EBF3: variants seen among roughly 807,000 people sequenced by gnomAD.
EBF3 encodes EBF transcription factor 3, also known as transcription factor COE3.
A neutral mutation model predicts 77.1 loss-of-function variants in EBF3; 18 were observed. The ratio of observed to expected loss-of-function variants is 0.23; its 90% confidence interval spans 0.16 to 0.35. The LOEUF (loss-of-function observed/expected upper bound fraction) is 0.35. Ranked by LOEUF, EBF3 falls within the 10% of genes least tolerant of loss-of-function variation. The probability of loss-of-function intolerance (pLI) is 1.00; values close to 1 mark genes in which losing one functional copy is unlikely to be tolerated. For missense variants in EBF3, 558 were observed against 860.0 expected, an observed-to-expected ratio of 0.65 and a Z score of 4.39; for synonymous variants, 350 against 343.5, an observed-to-expected ratio of 1.02 and a Z score of -0.21.
intron 6 of EBF3, among the ~76,000 whole-genome samples, chr10:129,939,497 G>T (rs1237481530): frequency 6.6e-6 from 1 of 152,226 alleles, no homozygotes; most frequent in East Asian, 1.9e-4. Flanking sequence ...CTCATTTAAA[G>T]ACTTGGGGTT....
At position 129,837,715 on chromosome 10, in the gene EBF3, C is replaced by G; in HGVS notation, c.*228G>C. 1.7e-6 allele frequency: 1 copy of G among 571,464 alleles called. No individual in the cohort carries two copies. The highest frequency in any genetic ancestry group is 3.1e-6 in the Non-Finnish European group (1 of 325,992). The allele number at this position is 571,464 out of a possible 1,614,324, so 35.4% of individuals were successfully genotyped here. ...TGTGAAAATATGAGAAAAGTTCAGTCAATAAAATGGAATTGTTCATGAAGA... is the reference window on the plus strand; with the variant it reads ...TGTGAAAATATGAGAAAAGTTCAGTGAATAAAATGGAATTGTTCATGAAGA... On this transcript the variant is annotated 3_prime_UTR_variant, in exon 17 of 17. Coordinates refer to ENST00000440978, the MANE Select transcript of EBF3 (RefSeq NM_001375380.1).
At chr10:129,898,532 C>A (rs1564869331) in intron 6 of EBF3, among the ~76,000 whole-genome samples, 1 of 152,208 alleles carries the variant, frequency 6.6e-6, no homozygotes, top group Non-Finnish European at 1.5e-5. Context: ...AAGGATGGCA[C>A]CATGGCTCAC....
chr10:129,882,415 C>T (rs901203045), intron 6 of EBF3, among the ~76,000 whole-genome samples: 26 of 152,260 alleles, frequency 1.7e-4, no homozygotes, highest in African/African-American at 5.3e-4. Flanking sequence ...TCAAGGAGTC[C>T]GTGGCATTAG....
rs1850019099 is a variant in EBF3, at chr10:129,841,092, G to C, written c.1373-60C>G. On this transcript the variant is annotated intron_variant, in intron 13 of 16. Transcript: ENST00000440978. This position sits in a 1 kb window ranked among gnomAD's most constrained non-coding sequence, Gnocchi z 4.6. ...TATTATCAGCGACAGACACTTGGGG[G>C]GGGTTCCCCGAGAATCTATATCATA... 2 of 1,584,790 alleles carry C rather than the reference G, an allele frequency of 1.3e-6. No homozygotes were observed. Among genetic ancestry groups the C allele is most frequent in the South Asian group, 2.3e-5 (2 of 86,450 alleles).
At chr10:129,962,658 A>G (rs1419626501) in intron 3 of EBF3, among the ~76,000 whole-genome samples, 1 of 152,010 alleles carries the variant, frequency 6.6e-6, no homozygotes, top group Non-Finnish European at 1.5e-5. Context: ...CCCCATCCTA[A>G]TAATTAACAT....
chr10:129,923,808 CAA>C (rs1856467948), intron 6 of EBF3, among the ~76,000 whole-genome samples: 1 of 152,102 alleles, frequency 6.6e-6, no homozygotes, highest in Non-Finnish European at 1.5e-5. Flanking sequence ...CATGAAAATT[CAA>C]AAGTTTTGTA....
At position 129,842,351 on chromosome 10, in the gene EBF3, C is replaced by T. The variant is rs916977381; in HGVS notation, c.1195-58G>A. The T allele has an allele frequency of 5.9e-6, 9 of 1,525,570 alleles. No homozygotes were observed. In the African/African-American group the frequency reaches 1.1e-4, roughly 19 times the overall value. The allele number at this position is 1,525,570 out of a possible 1,614,324, so 94.5% of individuals were successfully genotyped here. On this transcript the variant is annotated intron_variant, in intron 12 of 16. Transcript: ENST00000440978. This position sits in a 1 kb window ranked among gnomAD's most constrained non-coding sequence, Gnocchi z 4.4. ...ACCCCAGGCCCGGCCCAGCTGGCCGCACTCTCGGGGGCCCACCATGGTGGC... is the reference window on the plus strand; with the variant it reads ...ACCCCAGGCCCGGCCCAGCTGGCCGTACTCTCGGGGGCCCACCATGGTGGC...
rs35568967 is a variant in EBF3 at position 129,932,895 on chromosome 10, C to CTTTT, written c.554+24359_554+24362dup. On this transcript the variant is annotated intron_variant, in intron 6 of 16. Coordinates refer to ENST00000440978, the MANE Select transcript of EBF3 (RefSeq NM_001375380.1). ...AAACTTCAACCATTTCTTTTTTTTC[C>CTTTT]TTTTTTTTTTTTTTTTTTCAATTTC... Among the ~76,000 whole-genome samples, 285 of 126,404 alleles carry CTTTT rather than the reference C, an allele frequency of 2.3e-3. 2 individuals carry two copies. The highest frequency in any genetic ancestry group is 3.5e-3 in the Non-Finnish European group (222 of 63,166). 82.9% of individuals were successfully genotyped at this position (126,404 alleles called of 152,430 possible).
intron 11 of EBF3, among the ~76,000 whole-genome samples, chr10:129,846,902 A>G (rs963369081): frequency 6.6e-6 from 1 of 151,910 alleles, no homozygotes; most frequent in Non-Finnish European, 1.5e-5. Context: ...ATAACTGAGA[A>G]AGTCTTCTGT....
At chr10:129,941,303 G>A (rs952574415) in intron 6 of EBF3, among the ~76,000 whole-genome samples, 1 of 152,184 alleles carries the variant, frequency 6.6e-6, no homozygotes, top group Non-Finnish European at 1.5e-5. Context: ...CTGGAGCTCC[G>A]CACCCTTGCT....
At chr10:129,929,568 A>G (rs1564899041) in intron 6 of EBF3, among the ~76,000 whole-genome samples, 1 of 152,228 alleles carries the variant, frequency 6.6e-6, no homozygotes, top group Non-Finnish European at 1.5e-5. Flanking sequence ...GATAGATATT[A>G]AGATGGAAAT....
chr10:129,889,891 CTCTT>C (rs1853888767), intron 6 of EBF3, among the ~76,000 whole-genome samples: 1 of 145,480 alleles, frequency 6.9e-6, no homozygotes, highest in South Asian at 2.2e-4. Context: ...AACTCAGTGA[CTCTT>C]TCCACATTCC....
intron 6 of EBF3, among the ~76,000 whole-genome samples, chr10:129,955,356 G>A (rs1858959859): frequency 6.6e-6 from 1 of 152,116 alleles, no homozygotes; most frequent in East Asian, 1.9e-4. Flanking sequence ...TTTATGCCAG[G>A]CGTAAATGGA....
At chr10:129,905,014 A>G (rs540261764) in intron 6 of EBF3, among the ~76,000 whole-genome samples, 67 of 152,372 alleles carry the variant, frequency 4.4e-4, no homozygotes, top group African/African-American at 1.6e-3. Context: ...AGATAACCAG[A>G]AAGGGCAAGG....
intron 8 of EBF3, among the ~76,000 whole-genome samples, chr10:129,873,016 A>T (rs570959572): frequency 6.6e-6 from 1 of 152,014 alleles, no homozygotes; most frequent in Admixed American, 6.5e-5. Context: ...ATACACGTGG[A>T]TCACATGCAC....
intron 6 of EBF3, among the ~76,000 whole-genome samples, chr10:129,940,581 T>C (rs1857660212): frequency 6.6e-6 from 1 of 152,216 alleles, no homozygotes; most frequent in Non-Finnish European, 1.5e-5. Flanking sequence ...AGGCATACCT[T>C]GTAAAGAGCC....
rs539408924 is a variant in EBF3 at position 129,863,965 on chromosome 10, G to A, written c.1039+3176C>T. On this transcript the variant is annotated intron_variant, in intron 10 of 16. Coordinates refer to ENST00000440978, the MANE Select transcript of EBF3 (RefSeq NM_001375380.1). This position sits in a 1 kb window ranked among gnomAD's most constrained non-coding sequence, Gnocchi z 4.0. ...ACACCCACTCATGGGAGCATGTCTCGATGGAGGAAATCCCTGAAGCTTCGG... is the reference window on the plus strand; with the variant it reads ...ACACCCACTCATGGGAGCATGTCTCAATGGAGGAAATCCCTGAAGCTTCGG... 1.4e-4 allele frequency among the ~76,000 whole-genome samples: 22 copies of A among 152,290 alleles called. No individual in the cohort carries two copies. The highest frequency in any genetic ancestry group is 2.0e-4 in the Admixed American group (3 of 15,302).
intron 6 of EBF3, among the ~76,000 whole-genome samples, chr10:129,886,894 GAGAGACAC>G (rs914577171): frequency 1.3e-5 from 2 of 152,032 alleles, no homozygotes; most frequent in Non-Finnish European, 2.9e-5. Flanking sequence ...GACTATGTAT[GAGAGACAC>G]AGAGAGACGC....
chr10:129,925,265 G>A (rs964567487), intron 6 of EBF3, among the ~76,000 whole-genome samples: 2 of 151,458 alleles, frequency 1.3e-5, no homozygotes, highest in African/African-American at 4.9e-5. Context: ...GGGTGGGGGT[G>A]CAAGGAGAAT....
Sources: allele counts gnomAD v4.1 joint callset (sites outside exome capture counted in the v4.1 genomes callset), GRCh38; gene constraint gnomAD v4.1.1; non-coding constraint Gnocchi (gnomAD v3.1); transcripts MANE v1.5; gene names NCBI Gene and HGNC (gene_info 2026-07-23, HGNC 2026-07-21).